Variants in PSMA1 observed in about 807,000 individuals in gnomAD.
PSMA1 encodes the protein proteasome subunit alpha type-1.
A neutral mutation model predicts 38.4 loss-of-function variants in PSMA1; 3 were observed. The ratio of observed to expected loss-of-function variants is 0.08; its 90% confidence interval spans 0.04 to 0.20. The LOEUF is 0.20. Ranked by LOEUF, PSMA1 falls within the 10% of genes least tolerant of loss-of-function variation. The pLI, the probability that PSMA1 is intolerant of heterozygous loss-of-function variation, is 1.00. For missense variants in PSMA1, 227 were observed against 325.3 expected (o/e 0.70, Z 2.32); for synonymous variants, 101 against 107.1 (o/e 0.94, Z 0.35).
chr11:14,631,068 T>C (rs1852999965), intron 1 of PSMA1, among the ~76,000 whole-genome samples: 1 of 152,150 alleles, frequency 6.6e-6, no homozygotes, highest in Admixed American at 6.5e-5. Flanking sequence ...TTTTCTTTAT[T>C]AGTCTTGCTA....
intron 2 of PSMA1, among the ~76,000 whole-genome samples, chr11:14,581,758 G>C (rs940348595): frequency 1.3e-5 from 2 of 152,132 alleles, no homozygotes. Flanking sequence ...TATTGTTTCA[G>C]GGTTGCAAAG....
chr11:14,543,169 G>A (rs1482581435), intron 2 of PSMA1, among the ~76,000 whole-genome samples: 1 of 152,172 alleles, frequency 6.6e-6, no homozygotes, highest in East Asian at 1.9e-4. Context: ...AAGTACATGA[G>A]GCTGGACCTT....
chr11:14,517,549 G>T, intron 4 of PSMA1, 93 bp downstream of exon 4: 1 of 1,051,986 alleles, frequency 9.5e-7, no homozygotes, highest in South Asian at 1.8e-5. Context: ...AACTTTGGCA[G>T]ACAACTTCCT....
At chr11:14,525,330 G>A (rs573398762), upstream of PSMA1, among the ~76,000 whole-genome samples, 2 of 151,852 alleles carry the variant, frequency 1.3e-5, no homozygotes, top group Non-Finnish European at 2.9e-5. Flanking sequence ...TCCTCTCCTT[G>A]TATCTCCCTA....
intron 2 of PSMA1, among the ~76,000 whole-genome samples, chr11:14,569,567 C>T (rs1388192514): frequency 6.6e-6 from 1 of 152,218 alleles, no homozygotes; most frequent in Non-Finnish European, 1.5e-5. Flanking sequence ...TTATATCCCA[C>T]GCCTGGCTCA....
intron 1 of PSMA1, among the ~76,000 whole-genome samples, chr11:14,612,097 C>A (rs971228552): frequency 6.6e-6 from 1 of 152,140 alleles, no homozygotes; most frequent in African/African-American, 2.4e-5. Context: ...TGTTTGCCAG[C>A]CCCAGGGAGT....
At chr11:14,520,391 C>T, upstream of PSMA1, 1 of 1,613,720 alleles carries the variant, frequency 6.2e-7, no homozygotes, top group Non-Finnish European at 8.5e-7. Flanking sequence ...ACAGAGAAGT[C>T]TGCGGGAGTT....
At chr11:14,591,662 G>A (rs139744196) in intron 2 of PSMA1, among the ~76,000 whole-genome samples, 11 of 152,114 alleles carry the variant, frequency 7.2e-5, no homozygotes, top group South Asian at 2.1e-4. Context: ...CTGGGGCCTC[G>A]GAGAACCTGT....
intron 2 of PSMA1, among the ~76,000 whole-genome samples, chr11:14,571,632 C>A (rs1256384749): frequency 6.6e-6 from 1 of 152,188 alleles, no homozygotes; most frequent in African/African-American, 2.4e-5. Flanking sequence ...CAGCTAACAT[C>A]ATAATGACAG....
chr11:14,602,440 C>A (rs1852593782), intron 2 of PSMA1, among the ~76,000 whole-genome samples: 1 of 151,892 alleles, frequency 6.6e-6, no homozygotes, highest in Non-Finnish European at 1.5e-5. Flanking sequence ...GCCAGGCTTT[C>A]CAGCTCCTTT....
At chr11:14,535,014 C>T (rs1851688176) in intron 2 of PSMA1, among the ~76,000 whole-genome samples, 1 of 152,138 alleles carries the variant, frequency 6.6e-6, no homozygotes, top group African/African-American at 2.4e-5. Context: ...GCAGAGGTTG[C>T]AGTGGGCCGA....
rs372984898 is a variant in PSMA1 at position 14,584,965 on chromosome 11, C to T, written c.21+26001G>A. Among the ~76,000 whole-genome samples, 3 of 152,188 alleles carry T rather than the reference C, an allele frequency of 2.0e-5. No individual in the cohort carries two copies. The South Asian group carries it at 6.2e-4, about 32-fold the overall frequency. On this transcript the variant is annotated intron_variant, in intron 2 of 10. Transcript: ENST00000418988. ...TACTGTAGAGACAAACAACCTTATA[C>T]ACTACAGTAACCCTCAGAGTAAGAT...
Position 14,631,308 on chromosome 11 carries a change from A to T in PSMA1, c.-166+12147T>A, listed in dbSNP as rs375098502. Among the ~76,000 whole-genome samples the T allele has an allele frequency of 7.9e-5, 12 of 152,170 alleles. No individual in the cohort carries two copies. In the East Asian group the frequency reaches 2.1e-3, roughly 27 times the overall value. ...GCTTTCTCTTGTGGGCATTTAGTGC[A>T]ATAAATTTCCCTCTACACACTGCTT... On this transcript the variant is annotated intron_variant, in intron 1 of 10. Coordinates refer to the PSMA1 transcript ENST00000418988.
intron 2 of PSMA1, among the ~76,000 whole-genome samples, chr11:14,583,013 C>T (rs905204167): frequency 6.6e-6 from 1 of 152,194 alleles, no homozygotes; most frequent in African/African-American, 2.4e-5. Flanking sequence ...CTGATTTTAA[C>T]AGCTCTGCGC....
chr11:14,520,774 C>T (rs184314113), upstream of PSMA1: 17 of 176,742 alleles, frequency 9.6e-5, no homozygotes, highest in Admixed American at 8.1e-4. Flanking sequence ...CACAAGATAA[C>T]GATCCGTTTC....
At chr11:14,568,215 C>G (rs557626665) in intron 2 of PSMA1, among the ~76,000 whole-genome samples, 1 of 152,286 alleles carries the variant, frequency 6.6e-6, no homozygotes, top group South Asian at 2.1e-4. Flanking sequence ...GTGCCCAACT[C>G]CAAAGCCATA....
At chr11:14,525,730 C>G (rs1344527822) in intron 2 of PSMA1, among the ~76,000 whole-genome samples, 1 of 152,134 alleles carries the variant, frequency 6.6e-6, no homozygotes, top group African/African-American at 2.4e-5. Flanking sequence ...TTCACTATTC[C>G]CCTGGACCCC....
At chr11:14,588,856 T>G in intron 2 of PSMA1, among the ~76,000 whole-genome samples, 1 of 152,220 alleles carries the variant, frequency 6.6e-6, no homozygotes, top group East Asian at 1.9e-4. Context: ...TTTCTGTTGC[T>G]TGAATAGGCC....
At chr11:14,536,748 A>C (rs528149273) in intron 2 of PSMA1, among the ~76,000 whole-genome samples, 1 of 151,962 alleles carries the variant, frequency 6.6e-6, no homozygotes, top group Admixed American at 6.5e-5. Flanking sequence ...AGTAGCTGGG[A>C]CTACAGGCGC....
Sources: gnomAD v4.1 joint callset for allele counts (sites outside exome capture counted in the v4.1 genomes callset) on GRCh38, gnomAD v4.1.1 for gene constraint, MANE v1.5 for transcripts, NCBI Gene and HGNC (gene_info 2026-07-23, HGNC 2026-07-21) for gene names.